Variants in COL4A6 observed in about 807,000 individuals in gnomAD.
COL4A6 encodes collagen type IV alpha 6 chain.
Under a neutral mutation model 126.7 loss-of-function variants are expected in COL4A6, and 59 were observed. That is an observed-to-expected ratio of 0.47 (90% CI 0.38 to 0.58). The LOEUF is 0.58. COL4A6 is among the 20% of genes least tolerant of loss of function. COL4A6 has a pLI of 0.00. For missense variants in COL4A6, 1,285 were observed against 1,337.3 expected, an observed-to-expected ratio of 0.96 and a Z score of 0.61; for synonymous variants, 547 against 496.6, an observed-to-expected ratio of 1.10 and a Z score of -1.35.
At chrX:108,210,812 TA>T (rs770503826) in intron 7 of COL4A6, among the ~76,000 whole-genome samples, 58 of 111,892 alleles carry the variant, frequency 5.2e-4, no homozygotes, top group African/African-American at 1.7e-3. Flanking sequence ...TCAAACATTC[TA>T]TCTTCTACTA....
At chrX:108,237,146 A>G (rs2036447961) in intron 3 of COL4A6, among the ~76,000 whole-genome samples, 1 of 111,864 alleles carries the variant, frequency 8.9e-6, no homozygotes, top group Admixed American at 9.5e-5. Context: ...TCACCTGGAT[A>G]ATGACAACAG....
intron 2 of COL4A6, among the ~76,000 whole-genome samples, chrX:108,373,605 C>T (rs2148110273): frequency 9.0e-6 from 1 of 111,350 alleles, no homozygotes; most frequent in East Asian, 2.8e-4. Flanking sequence ...CCACCCCCAT[C>T]CCTGATTATG....
At chrX:108,331,051 C>T (rs765220232) in intron 2 of COL4A6, among the ~76,000 whole-genome samples, 1 of 111,480 alleles carries the variant, frequency 9.0e-6, no homozygotes, top group South Asian at 3.8e-4. Flanking sequence ...TGAAATGCCC[C>T]GGATGCTTTT....
At chrX:108,323,749 T>C (rs776153196) in intron 2 of COL4A6, among the ~76,000 whole-genome samples, 1 of 112,501 alleles carries the variant, frequency 8.9e-6, no homozygotes, top group South Asian at 3.7e-4. Context: ...CTTTCTGTCT[T>C]TTCCAACAAT....
intron 2 of COL4A6, among the ~76,000 whole-genome samples, chrX:108,345,089 C>G (rs2039675424): frequency 9.0e-6 from 1 of 111,395 alleles, no homozygotes; most frequent in African/African-American, 3.3e-5. Context: ...TACTGAATCT[C>G]AACGTAGGGT....
intron 2 of COL4A6, among the ~76,000 whole-genome samples, chrX:108,350,289 C>G (rs938945540): frequency 1.5e-4 from 17 of 111,926 alleles, no homozygotes; most frequent in African/African-American, 5.2e-4. Context: ...GGAAAATTCA[C>G]AGTTTCATCT....
intron 2 of COL4A6, among the ~76,000 whole-genome samples, chrX:108,369,998 A>T (rs1434384201): frequency 8.9e-6 from 1 of 112,012 alleles, no homozygotes; most frequent in Non-Finnish European, 1.9e-5. Flanking sequence ...CATAACAAAG[A>T]GGGACCATTT....
chrX:108,210,007 G>A lies in COL4A6; in HGVS notation c.511-3C>T. ...AGTCCAGGCAGCCCAGGATCCCCCT[G>A]AGAAACAAAGGCAGGACACTGAAGA... On this transcript the variant is annotated splice_region_variant and splice_polypyrimidine_tract_variant and intron_variant, in intron 7 of 44. Coordinates refer to ENST00000334504, the MANE Select transcript of COL4A6 (RefSeq NM_033641.4). 2.5e-6 allele frequency: 3 copies of A among 1,208,135 alleles called. No homozygotes were observed. The highest frequency in any genetic ancestry group is 3.4e-6 in the Non-Finnish European group (3 of 893,268).
At chrX:108,275,243 A>C (rs746894269) in intron 3 of COL4A6, among the ~76,000 whole-genome samples, 1 of 111,828 alleles carries the variant, frequency 8.9e-6, no homozygotes, top group African/African-American at 3.2e-5. Flanking sequence ...AGAACCTTCT[A>C]TTGCTTCCAA....
intron 2 of COL4A6, among the ~76,000 whole-genome samples, chrX:108,372,339 C>T (rs1255099514): frequency 9.0e-6 from 1 of 111,549 alleles, no homozygotes; most frequent in East Asian, 2.8e-4. Context: ...GAAATCTTTA[C>T]CCTAGCAGAG....
intron 43 of COL4A6, 129 bp from the exon 44 acceptor site, chrX:108,159,877 A>G: frequency 1.4e-6 from 1 of 694,207 alleles, no homozygotes; most frequent in Non-Finnish European, 2.3e-6. Flanking sequence ...ATCCTGTAAC[A>G]TTGTACATGT....
intron 3 of COL4A6, among the ~76,000 whole-genome samples, chrX:108,235,355 T>G (rs1163605491): frequency 9.0e-6 from 1 of 111,718 alleles, no homozygotes; most frequent in African/African-American, 3.3e-5. Flanking sequence ...GAGGTATAAA[T>G]TATGTACAAC....
At chrX:108,433,463 A>G (rs1308947596) in intron 2 of COL4A6, among the ~76,000 whole-genome samples, 1 of 111,501 alleles carries the variant, frequency 9.0e-6, no homozygotes, top group Non-Finnish European at 1.9e-5. Flanking sequence ...CCTACACAGT[A>G]TAAGACAAGT....
intron 3 of COL4A6, among the ~76,000 whole-genome samples, chrX:108,246,346 CA>C (rs2036717157): frequency 9.0e-6 from 1 of 111,703 alleles, no homozygotes; most frequent in Admixed American, 9.5e-5. Context: ...TATATTAAGC[CA>C]AAAATGGATT....
At chrX:108,284,070 T>C (rs1435455624) in intron 3 of COL4A6, among the ~76,000 whole-genome samples, 1 of 112,384 alleles carries the variant, frequency 8.9e-6, no homozygotes, top group African/African-American at 3.2e-5. Context: ...TTGCTAATAC[T>C]ACTCCATTGC....
At chrX:108,235,379 G>A (rs1194960416) in intron 3 of COL4A6, among the ~76,000 whole-genome samples, 1 of 111,521 alleles carries the variant, frequency 9.0e-6, no homozygotes, top group Non-Finnish European at 1.9e-5. Context: ...TAGTACTTGA[G>A]CCTGTTCTGT....
Position 108,232,872 on chromosome X carries a change from C to T in COL4A6, c.145-11498G>A, listed in dbSNP as rs182074699. Among the ~76,000 whole-genome samples the T allele has an allele frequency of 6.6e-3, 738 of 111,224 alleles. 1 individual carries two copies. Among genetic ancestry groups the T allele is most frequent in the African/African-American group, 0.023 (706 of 30,567 alleles). On this transcript the variant is annotated intron_variant, in intron 3 of 44. Transcript: ENST00000334504. ...GCTTTTGGAGAAAAAACTCGAATAACCAAACTCCAATTGTCCACCAAACAA... is the reference window on the plus strand; with the variant it reads ...GCTTTTGGAGAAAAAACTCGAATAATCAAACTCCAATTGTCCACCAAACAA...
chrX:108,361,135 A>G (rs947018172), intron 2 of COL4A6, among the ~76,000 whole-genome samples: 9 of 111,536 alleles, frequency 8.1e-5, no homozygotes, highest in African/African-American at 2.9e-4. Context: ...TTCTTCTGCT[A>G]TCATTTTTAA....
intron 3 of COL4A6, among the ~76,000 whole-genome samples, chrX:108,266,436 A>G (rs1381289455): frequency 7.2e-5 from 8 of 111,505 alleles, no homozygotes; most frequent in Non-Finnish European, 1.1e-4. Context: ...CTCAGTCCTG[A>G]AATATAAAGG....
Sources: allele counts gnomAD v4.1 joint callset (sites outside exome capture counted in the v4.1 genomes callset), GRCh38; gene constraint gnomAD v4.1.1; transcripts MANE v1.5; gene names NCBI Gene and HGNC (gene_info 2026-07-23, HGNC 2026-07-21).